The following IL17RC variants were observed in gnomAD, a reference collection of about 807,000 sequenced individuals.
IL17RC encodes interleukin-17 receptor C.
Under a neutral mutation model 86.7 loss-of-function variants are expected in IL17RC, and 53 were observed. That is an observed-to-expected ratio of 0.61 (90% confidence interval 0.49 to 0.77). IL17RC has a LOEUF of 0.77. IL17RC is among the 30% of genes least tolerant of loss of function. The probability of loss-of-function intolerance (pLI) is 0.00; values close to 1 mark genes in which losing one functional copy is unlikely to be tolerated. For synonymous variants in IL17RC, 439 were observed against 413.1 expected, an observed-to-expected ratio of 1.06 and a Z score of -0.76; for missense variants, 957 against 940.0, an observed-to-expected ratio of 1.02 and a Z score of -0.24.
chr3:9,930,421 T>C lies in IL17RC; in HGVS notation c.1300T>C (p.Tyr434His). ...GCAGAGGGCAGCTCGCCTTGGAGAG[T>C]ACTTACTACAAGACCTGCAGTCAGG... ...ASTRAARLGE[Y>H]LLQDLQSGQC... Residue 434 changes from tyrosine (Y) to histidine (H), a missense_variant, in exon 15 of 19, where the codon TAC (tyrosine) becomes CAC (histidine). Tyr to His is a moderately conservative substitution (Grantham distance 83). Coordinates refer to ENST00000403601, the MANE Select transcript of IL17RC (RefSeq NM_153460.4). The surrounding 1 kb of genome is among the most constrained non-coding windows in gnomAD (Gnocchi z 5.8). The C allele has an allele frequency of 6.2e-7, 1 of 1,613,886 alleles. No individual in the cohort carries two copies.
Position 9,932,870 on chromosome 3 carries a change from C to A in IL17RC, c.1522+12C>A. The A allele has an allele frequency of 6.3e-7, 1 of 1,581,864 alleles. No homozygotes were observed. The highest frequency in any genetic ancestry group is 8.6e-7 in the Non-Finnish European group (1 of 1,167,778). On this transcript the variant is annotated intron_variant, in intron 18 of 18. Coordinates refer to ENST00000403601, the MANE Select transcript of IL17RC (RefSeq NM_153460.4). ...CGTCCGCTCGGGGGGTGAGTGGGAG[C>A]AAGCGCTGGGCGGAGGGCCGCCCCC...
chr3:9,920,438 G>A, intron 5 of IL17RC, 53 bp from the exon 6 acceptor site: 15 of 1,106,290 alleles, frequency 1.4e-5, no homozygotes, highest in Non-Finnish European at 2.0e-5. Flanking sequence ...CACAGCCCTT[G>A]GCCTGGATTC....
intron 5 of IL17RC, among the ~76,000 whole-genome samples, chr3:9,919,916 C>T (rs1391506357): frequency 3.3e-5 from 5 of 152,008 alleles, no homozygotes; most frequent in African/African-American, 1.2e-4. Flanking sequence ...CCATGGTATA[C>T]TTACCATGGT....
intron 5 of IL17RC, among the ~76,000 whole-genome samples, chr3:9,919,436 A>G (rs1370142153): frequency 1.3e-5 from 2 of 152,056 alleles, no homozygotes; most frequent in African/African-American, 4.8e-5. Flanking sequence ...CGAAGTCAGG[A>G]GATTGAGACC....
Position 9,918,360 on chromosome 3 carries a change from G to A in IL17RC, c.306G>A (p.Glu102=). ...GGCACTGGGAAGAGCCTGAAGATGA[G>A]GAAAAGTTTGGAGGAGCAGCTGACT... ...VHGHWEEPED[E]EKFGGAADSG... is the part of the protein sequence containing the mutation. Residue 102 remains glutamate (E), a synonymous_variant, in exon 4 of 19, where the codon GAG becomes GAA. Transcript: ENST00000403601. 1 of 1,602,604 alleles carries A rather than the reference G, an allele frequency of 6.2e-7. No homozygotes were observed. Among genetic ancestry groups the A allele is most frequent in the Non-Finnish European group, 8.5e-7 (1 of 1,174,502 alleles).
At position 9,933,096 on chromosome 3, in the gene IL17RC, G is replaced by C; in HGVS notation, c.1666G>C (p.Ala556Pro). ...CCTGTGGAGCCGTCGTGAACTGAGCGCGCAGGGGCCCGTGGCTTGGTTTCA... is the reference window on the plus strand; with the variant it reads ...CCTGTGGAGCCGTCGTGAACTGAGCCCGCAGGGGCCCGTGGCTTGGTTTCA... ...VDLWSRRELS[A>P]QGPVAWFHAQ... is the part of the protein sequence containing the mutation. Residue 556 changes from alanine to proline, a missense_variant, in exon 19 of 19, where the codon GCG becomes CCG. By Grantham distance (27) the Ala-to-Pro change is conservative. Transcript: ENST00000403601. 6.4e-7 allele frequency: 1 copy of C among 1,571,044 alleles called. No individual in the cohort carries two copies. The highest frequency in any genetic ancestry group is 8.6e-7 in the Non-Finnish European group (1 of 1,164,936).
At chr3:9,928,748 G>T in intron 12 of IL17RC, 118 bp downstream of exon 12, 2 of 1,035,176 alleles carry the variant, frequency 1.9e-6, no homozygotes, top group Non-Finnish European at 1.5e-6. Context: ...CTCTATGGGA[G>T]TTCCACTGCC....
chr3:9,929,571 G>C lies in IL17RC; in HGVS notation c.1111-281G>C. ...TTAGCAGGGTGGTCATGTGAGAAAGGAATCTCTTTGAGAAGGTTAGATGAG... is the reference window on the plus strand; with the variant it reads ...TTAGCAGGGTGGTCATGTGAGAAAGCAATCTCTTTGAGAAGGTTAGATGAG... On this transcript the variant is annotated intron_variant, in intron 12 of 18. Coordinates refer to ENST00000403601, the MANE Select transcript of IL17RC (RefSeq NM_153460.4). 1.1e-5 allele frequency: 5 copies of C among 471,320 alleles called. No individual in the cohort carries two copies. The South Asian group carries it at 1.2e-4, about 11-fold the overall frequency. The allele number at this position is 471,320 out of a possible 1,614,324, so 29.2% of individuals were successfully genotyped here. A position where few individuals can be genotyped will look rare whatever the true frequency, so the allele number is the denominator to read the frequency against.
At chr3:9,919,440 T>C (rs1301098150) in intron 5 of IL17RC, among the ~76,000 whole-genome samples, 1 of 151,962 alleles carries the variant, frequency 6.6e-6, no homozygotes, top group Non-Finnish European at 1.5e-5. Context: ...GTCAGGAGAT[T>C]GAGACCATCC....
intron 16 of IL17RC, among the ~76,000 whole-genome samples, chr3:9,932,296 G>A (rs920747998): frequency 1.3e-5 from 2 of 152,066 alleles, no homozygotes; most frequent in African/African-American, 2.4e-5. Flanking sequence ...GCGCGATCTC[G>A]GCTCACTGCA....
In IL17RC at chr3:9,917,357, A is replaced by G; in HGVS notation, c.42A>G (p.Arg14=). Residue 14 remains arginine (R), a synonymous_variant, in exon 1 of 19, where the codon CGA becomes CGG. Coordinates refer to ENST00000403601, the MANE Select transcript of IL17RC (RefSeq NM_153460.4). ...TCTTGCTGTCCTTGGCACTGGGCCG[A>G]AGCCCAGTGGTCCTTTCTCTGGAGA... ...PWFLLSLALG[R]SPVVLSLERL... The G allele has an allele frequency of 6.2e-7, 1 of 1,614,098 alleles. No individual in the cohort carries two copies. The highest frequency in any genetic ancestry group is 8.5e-7 in the Non-Finnish European group (1 of 1,179,984).
At chr3:9,918,433 A>G (rs574051993) in intron 4 of IL17RC, 24 bp downstream of exon 4, 3 of 1,612,172 alleles carry the variant, frequency 1.9e-6, no homozygotes, top group African/African-American at 2.7e-5. Flanking sequence ...GGCTGGCCCA[A>G]CTGCCCCATG....
intron 9 of IL17RC, among the ~76,000 whole-genome samples, chr3:9,925,761 A>G (rs2084003048): frequency 6.6e-6 from 1 of 151,186 alleles, no homozygotes; most frequent in African/African-American, 2.4e-5. Flanking sequence ...CTCCTTCCCA[A>G]AGCTTTTCCC....
intron 6 of IL17RC, 150 bp from the exon 7 acceptor site, chr3:9,920,775 C>T: frequency 3.9e-6 from 3 of 768,682 alleles, no homozygotes; most frequent in Admixed American, 4.8e-5. Flanking sequence ...CTTTCCAGCC[C>T]CTGGGGAAGG....
chr3:9,924,586 C>T (rs137888722), intron 9 of IL17RC, among the ~76,000 whole-genome samples: 1 of 152,158 alleles, frequency 6.6e-6, no homozygotes, highest in African/African-American at 2.4e-5. Flanking sequence ...CTTTGTGTTC[C>T]CCTGGCGGGC....
intron 5 of IL17RC, chr3:9,919,138 TGTG>T (rs2083338709): frequency 6.6e-6 from 1 of 152,218 alleles, no homozygotes; most frequent in Non-Finnish European, 1.5e-5. Flanking sequence ...TTGTAGTATA[TGTG>T]GTGCCAAAAC....
At position 9,930,878 on chromosome 3, in the gene IL17RC, C is replaced by T. The variant is rs2125282287; in HGVS notation, c.1339-17C>T. On this transcript the variant is annotated splice_polypyrimidine_tract_variant and intron_variant, in intron 15 of 18. Transcript: ENST00000403601. The surrounding 1 kb of genome is among the most constrained non-coding windows in gnomAD (Gnocchi z 5.8). ...CCTGGCTGGTGCCCTGGATTTGGTT[C>T]TGTTTGTATCTTACAGCTATGGGAC... 1.9e-6 allele frequency: 3 copies of T among 1,613,380 alleles called. No individual in the cohort carries two copies. The East Asian group carries it at 6.7e-5, about 36-fold the overall frequency.
In IL17RC at chr3:9,917,979, G is replaced by A. The variant is rs1376645139; in HGVS notation, c.184G>A (p.Ala62Thr). 1.9e-6 allele frequency: 3 copies of A among 1,613,730 alleles called. No individual in the cohort carries two copies. The highest frequency in any genetic ancestry group is 2.5e-6 in the Non-Finnish European group (3 of 1,180,024). ...CGTGCCTGCTCCGGGCCCCGTGCTG[G>A]CGCCTACGCACCTGCAGACAGAGCT... ...DIVPAPGPVL[A>T]PTHLQTELVL... Residue 62 changes from alanine to threonine, a missense_variant, in exon 3 of 19, where the codon GCG (alanine) becomes ACG (threonine). By Grantham distance (58) the Ala-to-Thr change is moderately conservative. Coordinates refer to ENST00000403601, the MANE Select transcript of IL17RC (RefSeq NM_153460.4).
chr3:9,930,292 A>G lies in IL17RC; in HGVS notation c.1279-108A>G, dbSNP rs1413853021. The G allele has an allele frequency of 1.4e-5, 22 of 1,528,234 alleles. No individual in the cohort carries two copies. In the Admixed American group the frequency reaches 3.4e-4, roughly 24 times the overall value. The allele number at this position is 1,528,234 out of a possible 1,614,324, so 94.7% of individuals were successfully genotyped here. A position where few individuals can be genotyped will look rare whatever the true frequency, so the allele number is the denominator to read the frequency against. On this transcript the variant is annotated intron_variant, in intron 14 of 18. Coordinates refer to ENST00000403601, the MANE Select transcript of IL17RC (RefSeq NM_153460.4). This position sits in a 1 kb window ranked among gnomAD's most constrained non-coding sequence, Gnocchi z 5.8. The stretch of plus-strand genomic sequence containing the variant: ...CAGGGCCATATTCAGCGGCATCACC[A>G]AAGTCTCCCAGTCCCCTCTACCTCA...
Sources: allele counts gnomAD v4.1 joint callset (sites outside exome capture counted in the v4.1 genomes callset), GRCh38; gene constraint gnomAD v4.1.1; non-coding constraint Gnocchi (gnomAD v3.1); transcripts MANE v1.5; gene names NCBI Gene and HGNC (gene_info 2026-07-23, HGNC 2026-07-21).